The following ULK4 variants were observed in gnomAD, a reference collection of about 807,000 sequenced individuals.
ULK4 encodes unc-51 like kinase 4.
In ULK4, 133 loss-of-function variants were observed where a neutral mutation model predicts 160.6. The ratio of observed to expected loss-of-function variants is 0.83; its 90% CI spans 0.72 to 0.96. The LOEUF (loss-of-function observed/expected upper bound fraction) is 0.96, where lower values mean the gene tolerates loss of function less well. Among genes scored for constraint, ULK4 ranks in the 40% least tolerant of loss-of-function variants. ULK4 has a pLI of 0.00. For synonymous variants in ULK4, 534 were observed against 539.8 expected, an observed-to-expected ratio of 0.99 and a Z score of 0.15; for missense variants, 1,580 against 1,499.5, an observed-to-expected ratio of 1.05 and a Z score of -0.89.
chr3:41,256,731 C>T (rs1037526892), intron 35 of ULK4, among the ~76,000 whole-genome samples: 74 of 152,046 alleles, frequency 4.9e-4, no homozygotes, highest in African/African-American at 1.5e-3. Flanking sequence ...AATTGGACTT[C>T]GTCAATGTTA....
chr3:41,283,564 A>G (rs1475179516), intron 35 of ULK4, among the ~76,000 whole-genome samples: 3 of 152,184 alleles, frequency 2.0e-5, no homozygotes, highest in Admixed American at 1.3e-4. Context: ...CAAACACCAC[A>G]TGTTCTCACT....
intron 32 of ULK4, among the ~76,000 whole-genome samples, chr3:41,558,211 A>G (rs1435258239): frequency 2.0e-5 from 3 of 152,150 alleles, no homozygotes; most frequent in Admixed American, 2.0e-4. Flanking sequence ...GAAACAACAT[A>G]TATCTACCAC....
At chr3:41,878,095 A>C (rs1454554218) in intron 17 of ULK4, among the ~76,000 whole-genome samples, 1 of 151,640 alleles carries the variant, frequency 6.6e-6, no homozygotes, top group Non-Finnish European at 1.5e-5. Context: ...AAAAAAAAAA[A>C]AAAAAAACCT....
chr3:41,664,860 A>G (rs998227303), intron 29 of ULK4, among the ~76,000 whole-genome samples: 1 of 152,220 alleles, frequency 6.6e-6, no homozygotes. Context: ...AATAAAACTC[A>G]AAATGTTTTC....
chr3:41,710,969 C>A (rs553681814), intron 25 of ULK4, among the ~76,000 whole-genome samples: 1 of 151,990 alleles, frequency 6.6e-6, no homozygotes, highest in Non-Finnish European at 1.5e-5. Flanking sequence ...AGGAAATGAG[C>A]TGAAAATCAG....
intron 19 of ULK4, among the ~76,000 whole-genome samples, chr3:41,804,833 T>C (rs1191445571): frequency 6.6e-6 from 1 of 152,294 alleles, no homozygotes; most frequent in East Asian, 1.9e-4. Context: ...TTCTATTCCA[T>C]TGGTCTATAT....
rs192158550 is a variant in ULK4 at position 41,800,907 on chromosome 3, G to C, written c.1849-614C>G. On this transcript the variant is annotated intron_variant, in intron 19 of 36. Coordinates refer to ENST00000301831, the MANE Select transcript of ULK4 (RefSeq NM_017886.4). ...GTAATATAAATGAGTCCAAGGAAAA[G>C]CCCAGAAGTACTTACAGAAATTTTA... Among the ~76,000 whole-genome samples the C allele has an allele frequency of 4.2e-3, 647 of 152,254 alleles. 2 individuals are homozygous for C. Among genetic ancestry groups the C allele is most frequent in the Non-Finnish European group, 5.9e-3 (399 of 68,000 alleles).
At chr3:41,749,469 C>T (rs890522976) in intron 22 of ULK4, among the ~76,000 whole-genome samples, 5 of 152,062 alleles carry the variant, frequency 3.3e-5, no homozygotes, top group African/African-American at 9.7e-5. Context: ...CATGACTAAG[C>T]GAGACTCCAT....
chr3:41,726,100 A>C (rs536261933), intron 22 of ULK4, among the ~76,000 whole-genome samples: 2 of 152,362 alleles, frequency 1.3e-5, no homozygotes, highest in East Asian at 3.9e-4. Context: ...TTTTTCTCTA[A>C]AGTTTAAATT....
chr3:41,773,170 A>G (rs2039464370), intron 21 of ULK4, among the ~76,000 whole-genome samples: 1 of 152,218 alleles, frequency 6.6e-6, no homozygotes, highest in Admixed American at 6.5e-5. Flanking sequence ...CAAGACAGGG[A>G]TGCCCTCTCT....
intron 35 of ULK4, among the ~76,000 whole-genome samples, chr3:41,281,561 C>G (rs929471109): frequency 6.6e-6 from 1 of 152,172 alleles, no homozygotes; most frequent in Non-Finnish European, 1.5e-5. Context: ...ACATGATTAT[C>G]TCATTAGAGG....
intron 34 of ULK4, among the ~76,000 whole-genome samples, chr3:41,398,724 T>C (rs1035304150): frequency 2.6e-5 from 4 of 152,008 alleles, no homozygotes; most frequent in Admixed American, 1.3e-4. Flanking sequence ...TTTTTCAAAG[T>C]GTATGTAGTT....
At chr3:41,551,507 C>T (rs2087065103) in intron 32 of ULK4, among the ~76,000 whole-genome samples, 1 of 151,658 alleles carries the variant, frequency 6.6e-6, no homozygotes, top group South Asian at 2.1e-4. Context: ...CACTAACAAC[C>T]TGGAAAACCT....
intron 35 of ULK4, among the ~76,000 whole-genome samples, chr3:41,318,611 T>C (rs900415120): frequency 6.6e-6 from 1 of 152,236 alleles, no homozygotes; most frequent in Non-Finnish European, 1.5e-5. Flanking sequence ...GTTAGAGTAC[T>C]ATGCAGAGTG....
At chr3:41,473,769 A>C (rs552655706) in intron 32 of ULK4, among the ~76,000 whole-genome samples, 1 of 152,128 alleles carries the variant, frequency 6.6e-6, no homozygotes, top group South Asian at 2.1e-4. Context: ...ACTTATGAAT[A>C]AATTTAAGAT....
intron 35 of ULK4, among the ~76,000 whole-genome samples, chr3:41,305,573 C>T (rs1373240738): frequency 2.0e-5 from 3 of 152,228 alleles, no homozygotes; most frequent in Non-Finnish European, 4.4e-5. Context: ...CTCGCTACAA[C>T]GTCCACCTCC....
chr3:41,877,940 C>T (rs753784987), intron 17 of ULK4, among the ~76,000 whole-genome samples: 9 of 152,050 alleles, frequency 5.9e-5, no homozygotes, highest in African/African-American at 1.9e-4. Flanking sequence ...GAGATCGCGC[C>T]GTCGCACTCC....
At chr3:41,348,527 C>G (rs1419163427) in intron 35 of ULK4, among the ~76,000 whole-genome samples, 2 of 152,152 alleles carry the variant, frequency 1.3e-5, no homozygotes, top group Non-Finnish European at 2.9e-5. Context: ...TGAGTGAGCT[C>G]AGAGAGGCCC....
chr3:41,706,150 G>A (rs1027913987), intron 25 of ULK4, among the ~76,000 whole-genome samples: 2 of 151,794 alleles, frequency 1.3e-5, no homozygotes, highest in African/African-American at 4.8e-5. Flanking sequence ...CTGTTTGAGA[G>A]GAAGGCCTTA....
Sources: gnomAD v4.1 joint callset for allele counts (sites outside exome capture counted in the v4.1 genomes callset) on GRCh38, gnomAD v4.1.1 for gene constraint, MANE v1.5 for transcripts, NCBI Gene and HGNC (gene_info 2026-07-23, HGNC 2026-07-21) for gene names.